The following ATP2C1 variants were observed in gnomAD, a reference collection of about 807,000 sequenced individuals.
ATP2C1 encodes calcium-transporting ATPase type 2C member 1.
In ATP2C1, 31 loss-of-function variants were observed where a neutral mutation model predicts 120.5. That is an observed-to-expected ratio of 0.26 (90% confidence interval 0.19 to 0.35). The LOEUF is 0.35. Among genes scored for constraint, ATP2C1 ranks in the 10% least tolerant of loss-of-function variants. ATP2C1 has a pLI of 1.00. For synonymous variants in ATP2C1, 351 were observed against 358.7 expected (o/e 0.98, Z 0.24); for missense variants, 731 against 1,107.5 (o/e 0.66, Z 4.83).
intron 20 of ATP2C1, among the ~76,000 whole-genome samples, chr3:130,989,618 T>G (rs925797567): frequency 1.3e-5 from 2 of 151,980 alleles, no homozygotes; most frequent in Non-Finnish European, 2.9e-5. Flanking sequence ...TTGGGACTCA[T>G]GAGCCGCTTG....
chr3:130,996,424 A>G (rs2062625128), intron 23 of ATP2C1, among the ~76,000 whole-genome samples: 1 of 152,244 alleles, frequency 6.6e-6, no homozygotes, highest in Non-Finnish European at 1.5e-5. Context: ...GTCAAAGAAC[A>G]GTTACCAAAA....
At chr3:131,014,408 G>A (rs745454747) in intron 26 of ATP2C1, 10 of 1,540,574 alleles carry the variant, frequency 6.5e-6, no homozygotes, top group Admixed American at 2.2e-5. Flanking sequence ...CAAGAAAAAA[G>A]TATGTTGTTA....
chr3:130,887,907 A>G (rs1576596147), intron 1 of ATP2C1, among the ~76,000 whole-genome samples: 1 of 152,082 alleles, frequency 6.6e-6, no homozygotes. Flanking sequence ...GGAGTCTCTC[A>G]CCATAGCCAC....
chr3:130,940,533 T>C (rs2059846657), intron 6 of ATP2C1, 97 bp from the exon 7 acceptor site: 3 of 827,242 alleles, frequency 3.6e-6, no homozygotes, highest in Admixed American at 2.0e-5. Context: ...AAGATGAGAA[T>C]TGGGGGAAAT....
In ATP2C1 at chr3:130,993,925, A is replaced by G; in HGVS notation, c.1891-7A>G. 1 of 1,614,040 alleles carries G rather than the reference A, an allele frequency of 6.2e-7. No homozygotes were observed. The highest frequency in any genetic ancestry group is 8.5e-7 in the Non-Finnish European group (1 of 1,179,974). On this transcript the variant is annotated splice_polypyrimidine_tract_variant and splice_region_variant and intron_variant, in intron 21 of 27. Transcript: ENST00000510168. ...CTTCCTCTCCCCTGTCCTCTGCTCC[A>G]CTCTAGTCGCTACAGAAGAACGGTT...
intron 8 of ATP2C1, among the ~76,000 whole-genome samples, chr3:130,942,134 T>G (rs1462541807): frequency 6.6e-6 from 1 of 152,196 alleles, no homozygotes; most frequent in Non-Finnish European, 1.5e-5. Flanking sequence ...CCACATGGCT[T>G]TGGCAGTGAT....
At chr3:130,967,033 G>A (rs2061076500) in intron 14 of ATP2C1, 112 bp from the exon 15 acceptor site, 3 of 829,786 alleles carry the variant, frequency 3.6e-6, no homozygotes, top group Non-Finnish European at 4.2e-6. Flanking sequence ...TTTTAACAGT[G>A]TCATTATAAA....
chr3:131,014,226 C>T lies in ATP2C1; in HGVS notation c.2630-1926C>T. 1.2e-6 allele frequency: 2 copies of T among 1,613,084 alleles called. No homozygotes were observed. The highest frequency in any genetic ancestry group is 2.2e-5 in the South Asian group (2 of 90,992). On this transcript the variant is annotated intron_variant, in intron 26 of 26. Transcript: ENST00000328560. ...CCTTTTTTTTTTTGAATTTGATCTA[C>T]CTTTTGGTAGGAATATTTCAGCGGG...
chr3:130,984,233 T>C (rs1186870153), intron 20 of ATP2C1, among the ~76,000 whole-genome samples: 1 of 152,170 alleles, frequency 6.6e-6, no homozygotes, highest in Non-Finnish European at 1.5e-5. Flanking sequence ...TGCTGTTTCT[T>C]TGAATATTAT....
At chr3:130,967,057 A>G in intron 14 of ATP2C1, 88 bp from the exon 15 acceptor site, 4 of 901,688 alleles carry the variant, frequency 4.4e-6, no homozygotes, top group South Asian at 3.9e-5. Flanking sequence ...AATGAACAGA[A>G]CTCATTATAG....
At chr3:130,902,711 AC>A (rs201183268) in intron 2 of ATP2C1, among the ~76,000 whole-genome samples, 8 of 148,460 alleles carry the variant, frequency 5.4e-5, no homozygotes, top group Admixed American at 4.0e-4. Context: ...TTCTAACTAG[AC>A]CCCCCCCGAA....
Position 131,002,821 on chromosome 3 carries a change from T to C in ATP2C1, c.*1471T>C, listed in dbSNP as rs878906207. On this transcript the variant is annotated 3_prime_UTR_variant, in exon 28 of 28. Coordinates refer to ENST00000510168, the MANE Select transcript of ATP2C1 (RefSeq NM_001378687.1). ...GGGAAAATATCTATTCTTTGAGTCA[T>C]TGTTACTGAGGCAGTTGAGTGTAAG... 13 of 985,662 alleles carry C rather than the reference T, an allele frequency of 1.3e-5. No individual in the cohort carries two copies. Among genetic ancestry groups the C allele is most frequent in the Non-Finnish European group, 1.4e-5 (12 of 829,918 alleles). 61.1% of individuals were successfully genotyped at this position (985,662 alleles called of 1,614,324 possible). A position where few individuals can be genotyped will look rare whatever the true frequency, so the allele number is the denominator to read the frequency against.
chr3:130,882,860 C>T (rs115756958), intron 1 of ATP2C1, among the ~76,000 whole-genome samples: 2,034 of 152,138 alleles, frequency 0.013, 44 homozygotes, highest in African/African-American at 0.046. Flanking sequence ...ACACTTGCCT[C>T]GTAGAATGAG....
intron 8 of ATP2C1, among the ~76,000 whole-genome samples, chr3:130,942,138 C>G (rs953196233): frequency 1.3e-5 from 2 of 152,160 alleles, no homozygotes; most frequent in Non-Finnish European, 2.9e-5. Context: ...ATGGCTTTGG[C>G]AGTGATAATT....
Position 130,997,641 on chromosome 3 carries a change from G to A in ATP2C1, c.2279G>A (p.Arg760His), listed in dbSNP as rs764282152. The A allele has an allele frequency of 7.4e-6, 12 of 1,613,556 alleles. No individual in the cohort carries two copies. The highest frequency in any genetic ancestry group is 1.0e-5 in the Non-Finnish European group (12 of 1,179,666). ...GAACCAGTGGATAAAGATGTCATTC[G>A]TAAACCTCCTCGCAACTGGAAAGAC... ...GVEPVDKDVI[R>H]KPPRNWKDSI... The change falls in exon 25 of 28, where the codon CGT (arginine) becomes CAT (histidine). Residue 760 changes from arginine to histidine, a missense_variant. By Grantham distance (29) the Arg-to-His change is conservative. Around this residue, in one of 3 missense-constraint regions of ATP2C1, gnomAD observed 141 missense variants for 201.6 expected, o/e 0.70. Transcript: ENST00000510168.
intron 2 of ATP2C1, among the ~76,000 whole-genome samples, chr3:130,916,984 G>A (rs1046111316): frequency 6.6e-6 from 1 of 152,162 alleles, no homozygotes; most frequent in African/African-American, 2.4e-5. Flanking sequence ...GTACACACAA[G>A]TCCGTGACTT....
At chr3:130,850,918 C>A in exon 1 of ATP2C1, 1 of 1,395,860 alleles carries the variant, frequency 7.2e-7, no homozygotes, top group Admixed American at 3.1e-5. Flanking sequence ...AACCAAAGAG[C>A]CGAAGAACAG....
chr3:130,851,485 A>ATCTCCT (rs2067674391), intron 1 of ATP2C1, among the ~76,000 whole-genome samples: 5 of 152,216 alleles, frequency 3.3e-5, no homozygotes, highest in African/African-American at 1.2e-4. Flanking sequence ...GCCAATCAAA[A>ATCTCCT]GCTATGATTT....
At chr3:130,900,858 T>C (rs959185169) in intron 2 of ATP2C1, among the ~76,000 whole-genome samples, 3 of 152,202 alleles carry the variant, frequency 2.0e-5, no homozygotes, top group Non-Finnish European at 4.4e-5. Context: ...ATTTTATTTG[T>C]ATATGTTATA....
Sources: allele counts gnomAD v4.1 joint callset (sites outside exome capture counted in the v4.1 genomes callset), GRCh38; gene constraint gnomAD v4.1.1; regional missense constraint gnomAD v4.1.1; transcripts MANE v1.5; gene names NCBI Gene and HGNC (gene_info 2026-07-23, HGNC 2026-07-21).